The following CCDC178 variants were observed in gnomAD, a reference collection of about 807,000 sequenced individuals.
The protein encoded by CCDC178 is coiled-coil domain-containing protein 178.
CCDC178 carries 126 observed loss-of-function variants against 117.4 expected under a neutral mutation model. The ratio of observed to expected loss-of-function variants is 1.07; its 90% CI spans 0.93 to 1.24. CCDC178 has a LOEUF of 1.24. CCDC178 is among the 50% of genes most tolerant of loss of function. CCDC178 has a pLI of 0.00. For missense variants in CCDC178, 1,030 were observed against 986.9 expected (o/e 1.04, Z -0.59); for synonymous variants, 283 against 313.4 (o/e 0.90, Z 1.02).
chr18:33,179,728 C>T (rs2058713243), intron 20 of CCDC178, among the ~76,000 whole-genome samples: 1 of 151,880 alleles, frequency 6.6e-6, no homozygotes, highest in South Asian at 2.1e-4. Context: ...TAACTAAGTG[C>T]AGTGGAAACT....
intron 20 of CCDC178, among the ~76,000 whole-genome samples, chr18:33,109,487 C>T (rs1949964527): frequency 6.6e-6 from 1 of 151,266 alleles, no homozygotes; most frequent in Non-Finnish European, 1.5e-5. Flanking sequence ...TATATTAATC[C>T]CTCGATCTTT....
intron 21 of CCDC178, among the ~76,000 whole-genome samples, chr18:33,046,950 T>C (rs558618171): frequency 4.0e-4 from 61 of 152,326 alleles, no homozygotes; most frequent in Middle Eastern, 3.4e-3. Context: ...ACAAAATAAA[T>C]GATTCCTCAC....
chr18:33,153,580 CTTGAG>C (rs2058362470), intron 20 of CCDC178, among the ~76,000 whole-genome samples: 1 of 152,082 alleles, frequency 6.6e-6, no homozygotes, highest in South Asian at 2.1e-4. Flanking sequence ...CATTTTCAAC[CTTGAG>C]TTATCTCTCA....
At chr18:33,104,562 G>A (rs139533569) in intron 20 of CCDC178, among the ~76,000 whole-genome samples, 5 of 151,346 alleles carry the variant, frequency 3.3e-5, no homozygotes, top group South Asian at 2.1e-4. Context: ...CCATCTTTTC[G>A]TCCCATCATT....
chr18:33,024,759 TC>T (rs1231113410), intron 21 of CCDC178, among the ~76,000 whole-genome samples: 1 of 151,188 alleles, frequency 6.6e-6, no homozygotes, highest in African/African-American at 2.4e-5. Flanking sequence ...TTCTCCTACC[TC>T]AGCCTCCCGA....
intron 9 of CCDC178, among the ~76,000 whole-genome samples, chr18:33,337,565 C>T (rs1298442636): frequency 2.0e-5 from 3 of 151,930 alleles, no homozygotes; most frequent in South Asian, 2.1e-4. Context: ...AAAATGGGCA[C>T]GTAGACCAAT....
At chr18:33,059,068 C>T (rs556313643) in intron 21 of CCDC178, among the ~76,000 whole-genome samples, 1 of 152,076 alleles carries the variant, frequency 6.6e-6, no homozygotes, top group African/African-American at 2.4e-5. Flanking sequence ...TAGGAAAAAT[C>T]AGGAAGAATC....
In CCDC178 at chr18:33,161,768, G is replaced by A. The variant is rs987999333; in HGVS notation, c.2238+50128C>T. Reference sequence around the variant, plus strand: ...TGAACTCATCATTTTTTATGGCTGCGTAGTATTCCATGGTGTATATGTGCC... The same window carrying A: ...TGAACTCATCATTTTTTATGGCTGCATAGTATTCCATGGTGTATATGTGCC... On this transcript the variant is annotated intron_variant, in intron 20 of 22. Transcript: ENST00000383096. Among the ~76,000 whole-genome samples the A allele has an allele frequency of 5.3e-5, 8 of 152,054 alleles. No homozygotes were observed. In the East Asian group the frequency reaches 5.8e-4, roughly 11 times the overall value.
At chr18:33,311,831 T>C (rs537996164) in intron 11 of CCDC178, among the ~76,000 whole-genome samples, 14 of 152,250 alleles carry the variant, frequency 9.2e-5, no homozygotes, top group East Asian at 3.9e-4. Context: ...TTGGTTGACA[T>C]AGGAACCACC....
chr18:33,355,173 T>C (rs72948899), intron 7 of CCDC178, among the ~76,000 whole-genome samples: 11,616 of 152,242 alleles, frequency 0.076, 543 homozygotes, highest in Non-Finnish European at 0.1. Context: ...TTTTTGAAAA[T>C]TGGACATTTT....
At chr18:33,060,117 C>A (rs1281580066) in intron 21 of CCDC178, among the ~76,000 whole-genome samples, 1 of 152,010 alleles carries the variant, frequency 6.6e-6, no homozygotes, top group Non-Finnish European at 1.5e-5. Context: ...TTTGTGAAGT[C>A]TTAAATGAGT....
chr18:33,101,892 T>C (rs2057633541), intron 20 of CCDC178, among the ~76,000 whole-genome samples: 1 of 151,966 alleles, frequency 6.6e-6, no homozygotes, highest in African/African-American at 2.4e-5. Context: ...CCACTTTACA[T>C]TTGTAGAAAA....
At chr18:33,241,059 T>C (rs1010590591) in intron 15 of CCDC178, among the ~76,000 whole-genome samples, 3 of 151,966 alleles carry the variant, frequency 2.0e-5, no homozygotes, top group African/African-American at 7.2e-5. Context: ...AATTAATAAA[T>C]GTGATACATA....
chr18:33,266,498 G>T (rs1427839947), intron 14 of CCDC178, among the ~76,000 whole-genome samples: 1 of 150,676 alleles, frequency 6.6e-6, no homozygotes, highest in Non-Finnish European at 1.5e-5. Flanking sequence ...AGATAAGGCT[G>T]TGTAAAGCTG....
chr18:32,990,184 T>C (rs2055360188), intron 21 of CCDC178, among the ~76,000 whole-genome samples: 1 of 152,142 alleles, frequency 6.6e-6, no homozygotes, highest in Non-Finnish European at 1.5e-5. Flanking sequence ...AATGTCATAA[T>C]GTCAATTTTT....
Position 33,293,271 on chromosome 18 carries a change from G to A in CCDC178, c.1064C>T (p.Ser355Phe), listed in dbSNP as rs549038999. Residue 355 changes from serine to phenylalanine, a missense_variant, in exon 12 of 23, where the codon TCT becomes TTT. Transcript: ENST00000383096. ...AGTATTAACATTTATCACTGATGAA[G>A]AGTAATGATCAAATAGACTGTTAAG... ...YQLNSLFDHY[S>F]SSVINVNTNI... is the part of the protein sequence containing the mutation. The A allele has an allele frequency of 1.6e-5, 24 of 1,546,604 alleles. No homozygotes were observed. In the South Asian group the frequency reaches 2.5e-4, roughly 16 times the overall value.
chr18:33,250,062 T>C (rs1027483080), intron 14 of CCDC178, among the ~76,000 whole-genome samples: 15 of 151,864 alleles, frequency 9.9e-5, no homozygotes, highest in Admixed American at 7.9e-4. Flanking sequence ...GATTTGGTTC[T>C]CTCTTTATTA....
At chr18:33,290,948 C>T (rs979309157) in intron 12 of CCDC178, among the ~76,000 whole-genome samples, 15 of 152,228 alleles carry the variant, frequency 9.9e-5, no homozygotes, top group Admixed American at 3.9e-4. Flanking sequence ...ACATTAATTT[C>T]TTATTAATTA....
chr18:33,411,120 A>T (rs2063845231), intron 3 of CCDC178, among the ~76,000 whole-genome samples: 1 of 152,224 alleles, frequency 6.6e-6, no homozygotes, highest in African/African-American at 2.4e-5. Flanking sequence ...ACTCATGCAC[A>T]AGTGAGCATA....
Sources: allele counts gnomAD v4.1 joint callset (sites outside exome capture counted in the v4.1 genomes callset), GRCh38; gene constraint gnomAD v4.1.1; transcripts MANE v1.5; gene names NCBI Gene and HGNC (gene_info 2026-07-23, HGNC 2026-07-21).